Variants in DNAH10 observed in about 807,000 individuals in gnomAD.
DNAH10 encodes the protein axonemal beta dynein heavy chain 10.
In DNAH10, 348 loss-of-function variants were observed where a neutral mutation model predicts 506.6. The observed-to-expected ratio is 0.69, with a 90% confidence interval of 0.63 to 0.75. DNAH10 has a LOEUF of 0.75. Ranked by LOEUF, DNAH10 falls within the 30% of genes least tolerant of loss-of-function variation. The pLI is 0.00. For synonymous variants in DNAH10, 2,059 were observed against 2,198.6 expected (o/e 0.94, Z 1.78); for missense variants, 5,179 against 5,787.1 (o/e 0.89, Z 3.41).
intron 45 of DNAH10, among the ~76,000 whole-genome samples, chr12:123,872,597 CAA>C (rs1441602515): frequency 2.0e-5 from 3 of 151,974 alleles, no homozygotes; most frequent in Non-Finnish European, 4.4e-5. Flanking sequence ...GGTTCGTTCT[CAA>C]AGTGTGGTCC....
chr12:123,929,036 G>T (rs1411201495), intron 70 of DNAH10: 6 of 586,310 alleles, frequency 1.0e-5, no homozygotes, highest in Non-Finnish European at 1.5e-5. Context: ...TTTATATATA[G>T]TAAAGGATCT....
At chr12:123,890,328 C>T (rs759748446) in intron 52 of DNAH10, among the ~76,000 whole-genome samples, 32 of 152,120 alleles carry the variant, frequency 2.1e-4, no homozygotes, top group South Asian at 6.2e-4. Flanking sequence ...CAGAATGCAG[C>T]GGCATGATCA....
At chr12:123,881,469 G>A (rs1233195659) in intron 50 of DNAH10, among the ~76,000 whole-genome samples, 156 bp from the exon 51 acceptor site, 1 of 152,162 alleles carries the variant, frequency 6.6e-6, no homozygotes, top group Non-Finnish European at 1.5e-5. Context: ...GTGTCTGTTC[G>A]TATCCTTCGC....
chr12:123,870,227 A>G, intron 43 of DNAH10, 139 bp from the exon 44 acceptor site: 1 of 1,106,490 alleles, frequency 9.0e-7, no homozygotes, highest in Non-Finnish European at 1.3e-6. Flanking sequence ...GTATCTGTCC[A>G]GTGAAGGAGC....
At chr12:123,819,096 A>C in intron 22 of DNAH10, 30 bp downstream of exon 22, 1 of 1,600,796 alleles carries the variant, frequency 6.2e-7, no homozygotes, top group Non-Finnish European at 8.5e-7. Context: ...TCCTGAGTAA[A>C]GACATTGAAA....
In DNAH10 at chr12:123,926,611, T is replaced by G; in HGVS notation, c.11922-26T>G. 2.5e-6 allele frequency: 4 copies of G among 1,599,774 alleles called. No individual in the cohort carries two copies. The South Asian group carries it at 4.5e-5, about 18-fold the overall frequency. The stretch of plus-strand genomic sequence containing the variant: ...GTCTGGAGCTGTCCTCGCGGGAGAG[T>G]TTTCTGACTGTGTTTCTTTCACCAG... On this transcript the variant is annotated intron_variant, in intron 68 of 78. Coordinates refer to ENST00000673944, the MANE Select transcript of DNAH10 (RefSeq NM_001372106.1). This position sits in a 1 kb window ranked among gnomAD's most constrained non-coding sequence, Gnocchi z 4.1.
intron 36 of DNAH10, among the ~76,000 whole-genome samples, chr12:123,854,253 A>G (rs1330261772): frequency 2.0e-5 from 3 of 152,092 alleles, no homozygotes; most frequent in African/African-American, 4.8e-5. Context: ...CTGCTCCTCT[A>G]TGTCCAAAGT....
Position 123,873,609 on chromosome 12 carries a change from A to G in DNAH10, c.7837A>G (p.Arg2613Gly). Reference sequence around the variant, plus strand: ...CCGCACCACGTCCATGGATATCCAAAGAAATTTAGAAGCAAATGTGGAAAA... The same window carrying G: ...CCGCACCACGTCCATGGATATCCAAGGAAATTTAGAAGCAAATGTGGAAAA... ...SSRTTSMDIQRNLEANVEKRT... is the reference protein window; with the variant it reads ...SSRTTSMDIQGNLEANVEKRT... Residue 2613 changes from arginine to glycine, a missense_variant, in exon 46 of 79, where the codon AGA (arginine) becomes GGA (glycine). Physicochemically the swap from Arg to Gly is moderately radical, Grantham distance 125 (BLOSUM62 -2). Around this residue, in one of 3 missense-constraint regions of DNAH10, gnomAD observed 4,844 missense variants for 5,430.5 expected, o/e 0.89. Coordinates refer to ENST00000673944, the MANE Select transcript of DNAH10 (RefSeq NM_001372106.1). The G allele has an allele frequency of 6.2e-7, 1 of 1,614,002 alleles. No homozygotes were observed. The highest frequency in any genetic ancestry group is 8.5e-7 in the Non-Finnish European group (1 of 1,179,884).
chr12:123,777,864 T>C lies in DNAH10; in HGVS notation c.622-3216T>C, dbSNP rs561056001. ...TTTTTTTAAAGACGGTGTCTCAGTATGTTGCCAAGGCTGGTCTCAAACTCC... is the reference window on the plus strand; with the variant it reads ...TTTTTTTAAAGACGGTGTCTCAGTACGTTGCCAAGGCTGGTCTCAAACTCC... On this transcript the variant is annotated intron_variant, in intron 5 of 78. Coordinates refer to ENST00000673944, the MANE Select transcript of DNAH10 (RefSeq NM_001372106.1). Among the ~76,000 whole-genome samples the C allele has an allele frequency of 3.3e-5, 5 of 152,144 alleles. No individual in the cohort carries two copies. In the South Asian group the frequency reaches 1.0e-3, roughly 32 times the overall value.
At chr12:123,890,161 T>G (rs1952915286) in intron 52 of DNAH10, among the ~76,000 whole-genome samples, 1 of 152,074 alleles carries the variant, frequency 6.6e-6, no homozygotes, top group Admixed American at 6.6e-5. Flanking sequence ...CAGGACGAGG[T>G]GGAGGGGTTC....
At chr12:123,844,616 A>C (rs1950884603) in intron 30 of DNAH10, among the ~76,000 whole-genome samples, 1 of 152,190 alleles carries the variant, frequency 6.6e-6, no homozygotes, top group Admixed American at 6.5e-5. Flanking sequence ...GTGTGGTCAG[A>C]GATTATGAAA....
Position 123,933,379 on chromosome 12 carries a change from C to T in DNAH10, c.13345C>T (p.Pro4449Ser). ...GATGTGGCTCTCGGGGCTGCACATC[C>T]CTGAGTCCTACCTCACGGCGCTGGT... is the stretch of plus-strand genomic sequence containing the variant. ...SVMWLSGLHI[P>S]ESYLTALVQA... The change falls in exon 77 of 79, where the codon CCT becomes TCT. Residue 4449 changes from proline (P) to serine (S), a missense_variant. Coordinates refer to ENST00000673944, the MANE Select transcript of DNAH10 (RefSeq NM_001372106.1). 1 of 1,610,432 alleles carries T rather than the reference C, an allele frequency of 6.2e-7. No individual in the cohort carries two copies. The highest frequency in any genetic ancestry group is 8.5e-7 in the Non-Finnish European group (1 of 1,179,274).
chr12:123,932,962 A>G (rs778547478), intron 76 of DNAH10, among the ~76,000 whole-genome samples: 9 of 152,232 alleles, frequency 5.9e-5, no homozygotes, highest in Middle Eastern at 3.2e-3. Flanking sequence ...CAAGCTTGTC[A>G]TAAGTCTTGA....
At position 123,804,945 on chromosome 12, in the gene DNAH10, C is replaced by T. The variant is rs746978755; in HGVS notation, c.2892C>T (p.Val964=). 3.7e-6 allele frequency: 6 copies of T among 1,614,160 alleles called. No individual in the cohort carries two copies. Among genetic ancestry groups the T allele is most frequent in the Middle Eastern group, 1.7e-4 (1 of 6,046 alleles). Residue 964 remains valine, a synonymous_variant, in exon 18 of 79, where the codon GTC becomes GTT. Transcript: ENST00000673944. ...GPLLTKVEGL[V]VHTNTGKAPK... is the part of the protein sequence containing the mutation. ...TGCTGACCAAAGTTGAGGGCCTGGT[C>T]GTCCACACCAACACAGGCAAGGCCC...
chr12:123,897,921 T>A lies in DNAH10; in HGVS notation c.9432T>A (p.Ile3144=), dbSNP rs758353395. The A allele has an allele frequency of 1.2e-6, 2 of 1,604,688 alleles. No individual in the cohort carries two copies. Among genetic ancestry groups the A allele is most frequent in the South Asian group, 2.3e-5 (2 of 88,256 alleles). ...YVTPKNYLDF[I]NTYSKLLDEK... The stretch of plus-strand genomic sequence containing the variant: ...CTCCCAAGAACTACCTTGATTTTAT[T>A]AACACCTATTCAAAATTGCTGGATG... The change falls in exon 55 of 79, where the codon ATT becomes ATA. Residue 3144 remains isoleucine, a synonymous_variant. Transcript: ENST00000673944.
intron 51 of DNAH10, among the ~76,000 whole-genome samples, chr12:123,882,949 C>G (rs1349192516): frequency 6.6e-6 from 1 of 152,176 alleles, no homozygotes; most frequent in East Asian, 1.9e-4. Flanking sequence ...TATAGTCTTC[C>G]TATTCTAGAC....
intron 65 of DNAH10, among the ~76,000 whole-genome samples, chr12:123,922,746 C>T (rs1280656005): frequency 6.6e-6 from 1 of 152,182 alleles, no homozygotes; most frequent in African/African-American, 2.4e-5. Context: ...GGTCTTTCTT[C>T]TCTGCGTGTG....
chr12:123,774,209 A>C lies in DNAH10; in HGVS notation c.566A>C (p.Glu189Ala). 1.2e-6 allele frequency: 2 copies of C among 1,611,700 alleles called. No homozygotes were observed. The highest frequency in any genetic ancestry group is 1.7e-6 in the Non-Finnish European group (2 of 1,179,324). ...EAMEIMPETL[E>A]YGIINANVLH... ...ATGGAAATTATGCCAGAAACACTGGAGTATGGAATTATAAACGCTAATGTG... is the reference window on the plus strand; with the variant it reads ...ATGGAAATTATGCCAGAAACACTGGCGTATGGAATTATAAACGCTAATGTG... The change falls in exon 5 of 79, where the codon GAG (glutamate) becomes GCG (alanine). Residue 189 changes from glutamate (E) to alanine (A), a missense_variant. Glu to Ala is a moderately radical substitution (Grantham distance 107). Around this residue, in one of 3 missense-constraint regions of DNAH10, gnomAD observed 326 missense variants for 330.8 expected, o/e 0.99. Transcript: ENST00000673944.
chr12:123,774,410 A>T, intron 5 of DNAH10, 146 bp downstream of exon 5: 1 of 557,382 alleles, frequency 1.8e-6, no homozygotes, highest in Non-Finnish European at 3.1e-6. Flanking sequence ...GGTTGGGGAG[A>T]CCCTAACCCA....
Sources: allele counts gnomAD v4.1 joint callset (sites outside exome capture counted in the v4.1 genomes callset), GRCh38; gene constraint gnomAD v4.1.1; regional missense constraint gnomAD v4.1.1; non-coding constraint Gnocchi (gnomAD v3.1); transcripts MANE v1.5; gene names NCBI Gene and HGNC (gene_info 2026-07-23, HGNC 2026-07-21).